Variants in CAST observed in about 807,000 individuals in gnomAD.
CAST encodes the protein calpastatin.
CAST carries 76 observed loss-of-function variants against 119.6 expected under a neutral mutation model. The observed-to-expected ratio is 0.64, with a 90% CI of 0.53 to 0.77. CAST has a LOEUF of 0.77. CAST is among the 30% of genes least tolerant of loss of function. The pLI is 0.00. For synonymous variants in CAST, 319 were observed against 331.6 expected, an observed-to-expected ratio of 0.96 and a Z score of 0.41; for missense variants, 953 against 946.5, an observed-to-expected ratio of 1.01 and a Z score of -0.09.
chr5:96,012,328 TA>T, the CAST span, among the ~76,000 whole-genome samples: 4 of 152,154 alleles, frequency 2.6e-5, no homozygotes, highest in African/African-American at 9.7e-5. Flanking sequence ...TTTTTTTTTT[TA>T]CAATGGGTCC....
the CAST span, among the ~76,000 whole-genome samples, chr5:96,389,133 G>C: frequency 6.6e-6 from 1 of 152,102 alleles, no homozygotes; most frequent in Non-Finnish European, 1.5e-5. Context: ...AGGTCAAATA[G>C]TATAATGTTG....
chr5:96,136,243 A>G, the CAST span, among the ~76,000 whole-genome samples: 2 of 152,150 alleles, frequency 1.3e-5, no homozygotes, highest in African/African-American at 4.8e-5. Flanking sequence ...ATTTGATATT[A>G]TGTTATTTAT....
the CAST span, among the ~76,000 whole-genome samples, chr5:96,248,414 G>C: frequency 6.6e-6 from 1 of 152,180 alleles, no homozygotes; most frequent in Non-Finnish European, 1.5e-5. Flanking sequence ...GAGATGAAAC[G>C]TGTGCCATAT....
the CAST span, among the ~76,000 whole-genome samples, chr5:96,300,024 A>T: frequency 1.8e-4 from 27 of 152,226 alleles, no homozygotes; most frequent in African/African-American, 6.3e-4. Context: ...TATCAAATGT[A>T]TGGCTTGCAA....
At chr5:96,687,562 C>T (rs903608306) in intron 2 of CAST, among the ~76,000 whole-genome samples, 1 of 152,094 alleles carries the variant, frequency 6.6e-6, no homozygotes, top group African/African-American at 2.4e-5. Context: ...TCTAGACCTC[C>T]TAGTTTGTTA....
rs184715341 is a variant in CAST, at chr5:96,572,166, G to A, written c.60+42286G>A. Among the ~76,000 whole-genome samples, 4 of 151,878 alleles carry A rather than the reference G, an allele frequency of 2.6e-5. No individual in the cohort carries two copies. The East Asian group carries it at 7.7e-4, about 29-fold the overall frequency. On this transcript the variant is annotated intron_variant, in intron 1 of 11. Transcript: ENST00000505143. Reference sequence around the variant, plus strand: ...TGCACACAATAGGTTGCAGAACTAGGATTTGAACGTGGCTCTTTCCGATGA... The same window carrying A: ...TGCACACAATAGGTTGCAGAACTAGAATTTGAACGTGGCTCTTTCCGATGA...
At chr5:96,334,385 C>T in the CAST span, among the ~76,000 whole-genome samples, 1 of 152,180 alleles carries the variant, frequency 6.6e-6, no homozygotes, top group Non-Finnish European at 1.5e-5. Context: ...AGCCCACCCA[C>T]CCACCTCCAC....
chr5:96,256,786 C>A, the CAST span, among the ~76,000 whole-genome samples: 1 of 151,642 alleles, frequency 6.6e-6, no homozygotes, highest in Non-Finnish European at 1.5e-5. Flanking sequence ...GTATATACAA[C>A]CTCTTTATTA....
chr5:96,601,229 C>A (rs1163147493), intron 1 of CAST, among the ~76,000 whole-genome samples: 1 of 152,178 alleles, frequency 6.6e-6, no homozygotes, highest in South Asian at 2.1e-4. Context: ...GAAAGGAAAT[C>A]TGTTTATTAG....
chr5:96,392,847 C>T, the CAST span: 1 of 755,544 alleles, frequency 1.3e-6, no homozygotes, highest in African/African-American at 1.7e-5. Flanking sequence ...AGCTCATCCC[C>T]TTCACATGTA....
chr5:96,447,044 G>A, the CAST span, among the ~76,000 whole-genome samples: 1 of 152,322 alleles, frequency 6.6e-6, no homozygotes, highest in South Asian at 2.1e-4. Context: ...TCATTCTGGT[G>A]CATGTTGGTT....
the CAST span, among the ~76,000 whole-genome samples, chr5:96,115,294 T>C: frequency 6.6e-6 from 1 of 152,248 alleles, no homozygotes. Flanking sequence ...TCTGCTGAAC[T>C]GTGAGCTCAT....
chr5:95,961,706 TC>T, the CAST span: 17 of 1,589,624 alleles, frequency 1.1e-5, no homozygotes, highest in East Asian at 9.3e-5. Context: ...AGGCCCCCTG[TC>T]CCCCCCGCCG....
the CAST span, among the ~76,000 whole-genome samples, chr5:96,389,133 G>A: frequency 6.6e-6 from 1 of 152,102 alleles, no homozygotes; most frequent in Non-Finnish European, 1.5e-5. Context: ...AGGTCAAATA[G>A]TATAATGTTG....
At chr5:96,493,571 G>T in the CAST span, among the ~76,000 whole-genome samples, 1 of 152,182 alleles carries the variant, frequency 6.6e-6, no homozygotes, top group Non-Finnish European at 1.5e-5. Flanking sequence ...CAAGCATCAT[G>T]CTGGGTGTAC....
At chr5:96,520,439 T>C (rs191457844), upstream of CAST, among the ~76,000 whole-genome samples, 1 of 152,330 alleles carries the variant, frequency 6.6e-6, no homozygotes, top group African/African-American at 2.4e-5. Context: ...GGGCCTCAAC[T>C]CATAATGTCC....
At chr5:96,564,985 C>G (rs897635273) in intron 1 of CAST, among the ~76,000 whole-genome samples, 4 of 152,000 alleles carry the variant, frequency 2.6e-5, no homozygotes, top group Non-Finnish European at 5.9e-5. Context: ...GTGAATTAAG[C>G]TATGCCCTTA....
the CAST span, among the ~76,000 whole-genome samples, chr5:96,147,357 C>A: frequency 1.3e-5 from 2 of 152,190 alleles, no homozygotes. Context: ...GTAATCCCAG[C>A]ACTTTGGGAG....
chr5:96,641,694 C>T (rs1747951598), intron 1 of CAST, among the ~76,000 whole-genome samples: 2 of 152,162 alleles, frequency 1.3e-5, no homozygotes, highest in Non-Finnish European at 2.9e-5. Context: ...GTTCCTGCCT[C>T]TGCTCATTTA....
Sources: allele counts gnomAD v4.1 joint callset (sites outside exome capture counted in the v4.1 genomes callset), GRCh38; gene constraint gnomAD v4.1.1; transcripts MANE v1.5; gene names NCBI Gene and HGNC (gene_info 2026-07-23, HGNC 2026-07-21).